EED: variants seen among roughly 807,000 people sequenced by gnomAD.
EED encodes the protein polycomb protein EED.
A neutral mutation model predicts 61.0 loss-of-function variants in EED; 9 were observed. That is an observed-to-expected ratio of 0.15 (90% CI 0.09 to 0.26). EED has a LOEUF of 0.26. Ranked by LOEUF, EED falls within the 10% of genes least tolerant of loss-of-function variation. The pLI, the probability that EED is intolerant of heterozygous loss-of-function variation, is 1.00. For missense variants in EED, 315 were observed against 542.3 expected, an observed-to-expected ratio of 0.58 and a Z score of 4.16; for synonymous variants, 187 against 174.4, an observed-to-expected ratio of 1.07 and a Z score of -0.57.
intron 9 of EED, among the ~76,000 whole-genome samples, chr11:86,268,789 A>G (rs1289784380): frequency 6.6e-6 from 1 of 152,358 alleles, no homozygotes; most frequent in Non-Finnish European, 1.5e-5. Context: ...TTTGTGCTCC[A>G]GTAAGATGAG....
intron 9 of EED, among the ~76,000 whole-genome samples, chr11:86,272,835 TA>T (rs1214872587): frequency 1.3e-5 from 2 of 152,234 alleles, no homozygotes; most frequent in African/African-American, 4.8e-5. Flanking sequence ...TTAATTGGTG[TA>T]TTTAGACCAT....
chr11:86,265,999 T>C, intron 7 of EED, 84 bp from the exon 8 acceptor site: 1 of 1,191,868 alleles, frequency 8.4e-7, no homozygotes, highest in South Asian at 1.5e-5. Context: ...AATACAGTTT[T>C]CACTATGTTG....
At position 86,278,560 on chromosome 11, in the gene EED, G is replaced by GT. The variant is rs765925437; in HGVS notation, c.*37dup. 1 of 1,606,886 alleles carries GT rather than the reference G, an allele frequency of 6.2e-7. No individual in the cohort carries two copies. Among genetic ancestry groups the GT allele is most frequent in the South Asian group, 1.1e-5 (1 of 90,368 alleles). On this transcript the variant is annotated 3_prime_UTR_variant, in exon 12 of 12. Transcript: ENST00000263360. ...GCCTAATCAAAATTAGAGTGTGTTT[G>GT]TTGTCTGTGTAAAATAGAATTAATG...
intron 6 of EED, among the ~76,000 whole-genome samples, chr11:86,263,327 A>G (rs1248480642): frequency 6.6e-6 from 1 of 152,094 alleles, no homozygotes; most frequent in African/African-American, 2.4e-5. Context: ...TCACACCAAT[A>G]TAGGCTTTTT....
the EED span, among the ~76,000 whole-genome samples, chr11:86,284,823 C>T: frequency 1.3e-5 from 2 of 152,122 alleles, no homozygotes; most frequent in Non-Finnish European, 2.9e-5. Context: ...AAAAGGCAAA[C>T]TCCTTGGGCC....
At chr11:86,270,737 T>C (rs1252299573) in intron 9 of EED, among the ~76,000 whole-genome samples, 1 of 152,222 alleles carries the variant, frequency 6.6e-6, no homozygotes, top group African/African-American at 2.4e-5. Flanking sequence ...TTTTCTCTTA[T>C]AGATACTCAG....
Position 86,249,476 on chromosome 11 carries a change from A to G in EED, c.115-820A>G, listed in dbSNP as rs556824789. Among the ~76,000 whole-genome samples, 27 of 152,142 alleles carry G rather than the reference A, an allele frequency of 1.8e-4. No individual in the cohort carries two copies. In the South Asian group the frequency reaches 5.4e-3, roughly 30 times the overall value. On this transcript the variant is annotated intron_variant, in intron 1 of 11. Coordinates refer to ENST00000263360, the MANE Select transcript of EED (RefSeq NM_003797.5). ...TAAATCTTTTCTTTCCAAAGGAGAC[A>G]TTGGAATCTGTAATCAGGAGGTAGT...
At position 86,266,103 on chromosome 11, in the gene EED, A is replaced by G; in HGVS notation, c.747A>G (p.Glu249=). ...TACAGGATTATGATCTTTTGGGTGA[A>G]AAAATAATGTCCTGTGGTATGGATC... ...VLSADYDLLG[E]KIMSCGMDHS... is the part of the protein sequence containing the mutation. The change falls in exon 8 of 12, where the codon GAA becomes GAG. Residue 249 remains glutamate (E), a synonymous_variant. Coordinates refer to ENST00000263360, the MANE Select transcript of EED (RefSeq NM_003797.5). 6.3e-7 allele frequency: 1 copy of G among 1,596,642 alleles called. No individual in the cohort carries two copies. The highest frequency in any genetic ancestry group is 8.5e-7 in the Non-Finnish European group (1 of 1,172,454).
chr11:86,251,812 G>C (rs562417013), intron 2 of EED, among the ~76,000 whole-genome samples: 1 of 152,100 alleles, frequency 6.6e-6, no homozygotes, highest in South Asian at 2.1e-4. Flanking sequence ...GTGTCCTTTT[G>C]TATCCACCAA....
chr11:86,249,615 G>T (rs181078034), intron 1 of EED, among the ~76,000 whole-genome samples: 7 of 152,092 alleles, frequency 4.6e-5, no homozygotes, highest in African/African-American at 1.7e-4. Context: ...TTTTTTGGAA[G>T]GATTTACTTT....
At chr11:86,249,843 C>A (rs781572151) in intron 1 of EED, among the ~76,000 whole-genome samples, 20 of 152,210 alleles carry the variant, frequency 1.3e-4, no homozygotes, top group Non-Finnish European at 2.6e-4. Flanking sequence ...TCCCCAGCTC[C>A]ATGCTCCAGA....
chr11:86,277,010 C>A lies in EED; in HGVS notation c.997C>A (p.Pro333Thr). 1.3e-6 allele frequency: 2 copies of A among 1,526,698 alleles called. No individual in the cohort carries two copies. Among genetic ancestry groups the A allele is most frequent in the Non-Finnish European group, 1.8e-6 (2 of 1,124,032 alleles). 94.6% of individuals were successfully genotyped at this position (1,526,698 alleles called of 1,614,324 possible). The change falls in exon 10 of 12, where the codon CCT becomes ACT. Residue 333 changes from proline (P) to threonine (T), a missense_variant. Around this residue, in one of 2 missense-constraint regions of EED, gnomAD observed 205 missense variants for 455.4 expected, o/e 0.45. Transcript: ENST00000263360. ...TGAAAATGCCATTGTGTGCTGGAAA[C>A]CTGGCAAGATGGAAGATGATATAGA... Reference protein sequence around the residue: ...SCENAIVCWKPGKMEDDIDKI... With the variant: ...SCENAIVCWKTGKMEDDIDKI...
intron 1 of EED, 30 bp downstream of exon 1, chr11:86,245,373 T>G (rs1400322067): frequency 6.5e-7 from 1 of 1,550,304 alleles, no homozygotes; most frequent in Non-Finnish European, 8.8e-7. Flanking sequence ...GTTACGAGAC[T>G]GCGGAGTGAA....
At chr11:86,281,838 T>A (rs78380186), downstream of EED, among the ~76,000 whole-genome samples, 5,148 of 152,294 alleles carry the variant, frequency 0.034, 276 homozygotes, top group African/African-American at 0.12. Context: ...ACATCTTTCA[T>A]TTTCTCTTGT....
chr11:86,257,519 A>G lies in EED; in HGVS notation c.557A>G (p.Tyr186Cys). The G allele has an allele frequency of 1.2e-6, 2 of 1,609,618 alleles. No individual in the cohort carries two copies. Among genetic ancestry groups the G allele is most frequent in the Non-Finnish European group, 1.7e-6 (2 of 1,178,184 alleles). Residue 186 changes from tyrosine to cysteine, a missense_variant, in exon 6 of 12, where the codon TAT (tyrosine) becomes TGT (cysteine). Coordinates refer to ENST00000263360, the MANE Select transcript of EED (RefSeq NM_003797.5). ...AATGTTTTAAATTTATTGTAGCACT[A>G]TGTTGGCCATGGAAATGCTATCAAT... ...NPITMQCIKHYVGHGNAINEL... is the reference protein window; with the variant it reads ...NPITMQCIKHCVGHGNAINEL...
chr11:86,244,985 T>TG lies in EED; in HGVS notation c.-241dup, dbSNP rs1945346768. On this transcript the variant is annotated 5_prime_UTR_variant, in exon 1 of 12. Transcript: ENST00000263360. The stretch of plus-strand genomic sequence containing the variant: ...GGCGGGAAAAGGGCAAGACGGGAGT[T>TG]GGGGAAGGGAAGGAGCCAGGAAGCC... 2.5e-6 allele frequency: 1 copy of TG among 405,434 alleles called. No individual in the cohort carries two copies. The highest frequency in any genetic ancestry group is 4.4e-6 in the Non-Finnish European group (1 of 226,074). The allele number at this position is 405,434 out of a possible 1,614,324, so 25.1% of individuals were successfully genotyped here. A position where few individuals can be genotyped will look rare whatever the true frequency, so the allele number is the denominator to read the frequency against.
At chr11:86,251,660 TCTGA>T (rs1267435087) in intron 2 of EED, among the ~76,000 whole-genome samples, 3 of 152,198 alleles carry the variant, frequency 2.0e-5, no homozygotes, top group Admixed American at 6.6e-5. Context: ...ATATTCTCAT[TCTGA>T]CTAACAGAAA....
At chr11:86,245,428 T>A in intron 1 of EED, 85 bp downstream of exon 1, 6 of 895,370 alleles carry the variant, frequency 6.7e-6, no homozygotes, top group East Asian at 9.2e-5. Context: ...ACGAGCGGGC[T>A]GCTGTGGGGG....
chr11:86,245,223 G>C lies in EED; in HGVS notation c.-7G>C. On this transcript the variant is annotated 5_prime_UTR_variant, in exon 1 of 12. Coordinates refer to ENST00000263360, the MANE Select transcript of EED (RefSeq NM_003797.5). Reference sequence around the variant, plus strand: ...GGCGGCAGGAACCTGGAGGGAGGCGGAGGAATATGTCCGAGAGGGAAGTGT... The same window carrying C: ...GGCGGCAGGAACCTGGAGGGAGGCGCAGGAATATGTCCGAGAGGGAAGTGT... The C allele has an allele frequency of 6.2e-7, 1 of 1,611,118 alleles. No homozygotes were observed. The highest frequency in any genetic ancestry group is 1.7e-5 in the Admixed American group (1 of 59,696).
Sources: allele counts gnomAD v4.1 joint callset (sites outside exome capture counted in the v4.1 genomes callset), GRCh38; gene constraint gnomAD v4.1.1; regional missense constraint gnomAD v4.1.1; transcripts MANE v1.5; gene names NCBI Gene and HGNC (gene_info 2026-07-23, HGNC 2026-07-21).